The following ESRRB variants were observed in gnomAD, a reference collection of about 807,000 sequenced individuals.
ESRRB encodes steroid hormone receptor ERR2.
Under a neutral mutation model 46.0 loss-of-function variants are expected in ESRRB, and 16 were observed. The ratio of observed to expected loss-of-function variants is 0.35; its 90% CI spans 0.24 to 0.53. The LOEUF is 0.53. Ranked by LOEUF, ESRRB falls within the 20% of genes least tolerant of loss-of-function variation. The pLI is 0.93. For missense variants in ESRRB, 488 were observed against 607.4 expected (o/e 0.80, Z 2.07); for synonymous variants, 246 against 259.6 (o/e 0.95, Z 0.50).
intron 1 of ESRRB, among the ~76,000 whole-genome samples, chr14:76,405,466 G>A (rs549324502): frequency 6.6e-6 from 1 of 152,264 alleles, no homozygotes; most frequent in East Asian, 1.9e-4. Context: ...ACCGATAATG[G>A]GAGTGTTTCC....
chr14:76,398,906 C>T (rs928705197), intron 1 of ESRRB, among the ~76,000 whole-genome samples: 5 of 152,150 alleles, frequency 3.3e-5, no homozygotes, highest in African/African-American at 9.7e-5. Context: ...GCATTTGATT[C>T]GGTTCAGCCT....
intron 1 of ESRRB, among the ~76,000 whole-genome samples, chr14:76,394,091 G>A (rs1243132124): frequency 6.6e-6 from 1 of 150,508 alleles, no homozygotes; most frequent in African/African-American, 2.5e-5. Flanking sequence ...GTGAGCCACC[G>A]TGCCCAGCCT....
At chr14:76,354,986 C>T (rs1222201251) in intron 1 of ESRRB, among the ~76,000 whole-genome samples, 1 of 152,030 alleles carries the variant, frequency 6.6e-6, no homozygotes, top group Non-Finnish European at 1.5e-5. Flanking sequence ...GCTGGGATTA[C>T]AGGCATGAGC....
At chr14:76,438,726 T>C (rs930675145) in intron 1 of ESRRB, among the ~76,000 whole-genome samples, 4 of 151,962 alleles carry the variant, frequency 2.6e-5, no homozygotes, top group African/African-American at 7.2e-5. Context: ...TGGCCAAACA[T>C]TTTGGCTGAC....
In ESRRB at chr14:76,416,501, C is replaced by T. The variant is rs572947306; in HGVS notation, c.51-22840C>T. ...TCTCTTTTTTTGAGATGGAGTGTCA[C>T]TCTTGTCGCCCGGGCTAGAGTGCAA... On this transcript the variant is annotated intron_variant, in intron 1 of 6. Coordinates refer to ENST00000644823, the MANE Select transcript of ESRRB (RefSeq NM_001379180.1). 3.3e-5 allele frequency among the ~76,000 whole-genome samples: 5 copies of T among 151,986 alleles called. No individual in the cohort carries two copies. The South Asian group carries it at 1.0e-3, about 32-fold the overall frequency.
At chr14:76,458,137 TAACCATTGGCC>T (rs1005657240) in intron 2 of ESRRB, among the ~76,000 whole-genome samples, 2 of 152,104 alleles carry the variant, frequency 1.3e-5, no homozygotes. Context: ...GAATTTATGC[TAACCATTGGCC>T]ATGTCCCTGT....
intron 5 of ESRRB, among the ~76,000 whole-genome samples, chr14:76,489,255 T>TC (rs1890126053): frequency 6.6e-6 from 1 of 151,132 alleles, no homozygotes; most frequent in Non-Finnish European, 1.5e-5. Flanking sequence ...TGTCCAACAC[T>TC]CCCCCCAACA....
chr14:76,485,699 G>A (rs1889991563), intron 5 of ESRRB, among the ~76,000 whole-genome samples: 1 of 151,962 alleles, frequency 6.6e-6, no homozygotes. Context: ...TGAGTAGGGA[G>A]GATAAAAGCT....
chr14:76,370,359 T>C (rs1351301748), upstream of ESRRB, among the ~76,000 whole-genome samples: 1 of 151,970 alleles, frequency 6.6e-6, no homozygotes. Flanking sequence ...GATCACGCCA[T>C]TGTACTCCAG....
rs74069816 is a variant in ESRRB at position 76,356,786 on chromosome 14, G to T, written c.2+45870G>T. On this transcript the variant is annotated intron_variant, in intron 1 of 6. Coordinates refer to the ESRRB transcript ENST00000512784. ...ATCACTCCTGTCCAGCCCCATCAGC[G>T]CATGGTCCTGCAATTGTTCTGCGAG... 4.5e-4 allele frequency among the ~76,000 whole-genome samples: 68 copies of T among 152,308 alleles called. 1 individual carries two copies. The highest frequency in any genetic ancestry group is 1.5e-3 in the African/African-American group (64 of 41,562).
chr14:76,491,155 C>T (rs757813527), intron 5 of ESRRB, among the ~76,000 whole-genome samples: 19 of 152,164 alleles, frequency 1.2e-4, no homozygotes, highest in Admixed American at 4.6e-4. Context: ...CCTCTACAGA[C>T]GTTTGGAAAA....
At chr14:76,403,811 C>T (rs1179181070) in intron 1 of ESRRB, among the ~76,000 whole-genome samples, 4 of 152,240 alleles carry the variant, frequency 2.6e-5, no homozygotes, top group African/African-American at 9.6e-5. Context: ...ACTGCAACCT[C>T]CGCCTCCTGG....
At chr14:76,467,373 C>T (rs10136348) in intron 3 of ESRRB, among the ~76,000 whole-genome samples, 24,455 of 151,458 alleles carry the variant, frequency 0.16, 3,514 homozygotes, top group African/African-American at 0.39. Context: ...TGGTGGCACG[C>T]GCATGTAATC....
chr14:76,390,418 G>A (rs1020221883), intron 1 of ESRRB, among the ~76,000 whole-genome samples: 5 of 152,126 alleles, frequency 3.3e-5, no homozygotes, highest in Admixed American at 1.3e-4. Context: ...GAACCCAGGA[G>A]GTGGAGATTG....
chr14:76,341,158 T>C (rs991854590), intron 1 of ESRRB, among the ~76,000 whole-genome samples: 2 of 152,134 alleles, frequency 1.3e-5, no homozygotes, highest in African/African-American at 2.4e-5. Context: ...CTGAGTCTCC[T>C]CCCTCTGGGC....
At chr14:76,458,645 G>C (rs529363785) in intron 2 of ESRRB, among the ~76,000 whole-genome samples, 1 of 152,248 alleles carries the variant, frequency 6.6e-6, no homozygotes, top group East Asian at 1.9e-4. Context: ...CTCAAAAAGT[G>C]ACAGGTTGGC....
Position 76,388,382 on chromosome 14 carries a change from T to G in ESRRB, c.50+11931T>G, listed in dbSNP as rs532499369. 2.2e-4 allele frequency among the ~76,000 whole-genome samples: 33 copies of G among 152,180 alleles called. 1 individual carries two copies. In the South Asian group the frequency reaches 5.6e-3, roughly 26 times the overall value. On this transcript the variant is annotated intron_variant, in intron 1 of 6. Transcript: ENST00000644823. ...TTTAGTAGAGAAGGGGCTTCACTGT[T>G]CATCCTGTTAGCCAGGATGGTTCTG...
At chr14:76,466,881 G>A (rs1889136979) in intron 3 of ESRRB, among the ~76,000 whole-genome samples, 1 of 152,046 alleles carries the variant, frequency 6.6e-6, no homozygotes, top group East Asian at 2.0e-4. Flanking sequence ...GCAACACCAC[G>A]CCCAGCTAAT....
rs564137499 is a variant in ESRRB at position 76,462,744 on chromosome 14, T to G, written c.577+83T>G. On this transcript the variant is annotated intron_variant, in intron 3 of 6. Coordinates refer to ENST00000644823, the MANE Select transcript of ESRRB (RefSeq NM_001379180.1). ...TGTCCCCTGTGAGACACCCACAAGCTGTGGACCTGTGTCCCAGGGTGAGAC... is the reference window on the plus strand; with the variant it reads ...TGTCCCCTGTGAGACACCCACAAGCGGTGGACCTGTGTCCCAGGGTGAGAC... 39 of 1,022,642 alleles carry G rather than the reference T, an allele frequency of 3.8e-5. No homozygotes were observed. The African/African-American group carries it at 5.8e-4, about 15-fold the overall frequency. 63.3% of individuals were successfully genotyped at this position (1,022,642 alleles called of 1,614,324 possible). A position where few individuals can be genotyped will look rare whatever the true frequency, so the allele number is the denominator to read the frequency against.
Sources: allele counts gnomAD v4.1 joint callset (sites outside exome capture counted in the v4.1 genomes callset), GRCh38; gene constraint gnomAD v4.1.1; transcripts MANE v1.5; gene names NCBI Gene and HGNC (gene_info 2026-07-23, HGNC 2026-07-21).